OSBPL5: variants seen among roughly 807,000 people sequenced by gnomAD.
OSBPL5 encodes the protein oxysterol-binding protein-related protein 5.
Under a neutral mutation model 111.2 loss-of-function variants are expected in OSBPL5, and 71 were observed. The observed-to-expected ratio is 0.64, with a 90% CI of 0.53 to 0.78. OSBPL5 has a LOEUF of 0.78. OSBPL5 is among the 30% of genes least tolerant of loss of function. The pLI is 0.00. For synonymous variants in OSBPL5, 549 were observed against 513.9 expected (o/e 1.07, Z -0.93); for missense variants, 1,210 against 1,189.3 (o/e 1.02, Z -0.26).
intron 1 of OSBPL5, among the ~76,000 whole-genome samples, chr11:3,147,020 G>A (rs1846373508): frequency 6.6e-6 from 1 of 152,166 alleles, no homozygotes; most frequent in African/African-American, 2.4e-5. Flanking sequence ...GTTAGCTCTG[G>A]GTGGGCCGAG....
intron 1 of OSBPL5, among the ~76,000 whole-genome samples, chr11:3,163,011 G>T (rs139780669): frequency 1.3e-5 from 2 of 152,142 alleles, no homozygotes; most frequent in African/African-American, 4.8e-5. Flanking sequence ...TGCACCTAAC[G>T]GCTCCCTCCC....
At chr11:3,150,817 C>T (rs553890921) in intron 1 of OSBPL5, among the ~76,000 whole-genome samples, 4 of 152,288 alleles carry the variant, frequency 2.6e-5, no homozygotes, top group South Asian at 2.1e-4. Flanking sequence ...TGATCACGCA[C>T]GCCTGCATCT....
chr11:3,101,186 T>G (rs7105954), intron 13 of OSBPL5, among the ~76,000 whole-genome samples: 107,645 of 151,632 alleles, frequency 0.71, 38,449 homozygotes, highest in East Asian at 0.8. Flanking sequence ...TGTTGGACAG[T>G]CTGGTCTCAA....
Position 3,092,727 on chromosome 11 carries a change from C to G in OSBPL5, c.2132+140G>C, listed in dbSNP as rs1422003781. 5.9e-5 allele frequency: 79 copies of G among 1,332,610 alleles called. No individual in the cohort carries two copies. The highest frequency in any genetic ancestry group is 7.7e-5 in the Non-Finnish European group (77 of 996,322). 82.5% of individuals were successfully genotyped at this position (1,332,610 alleles called of 1,614,324 possible). On this transcript the variant is annotated intron_variant, in intron 18 of 21. Coordinates refer to ENST00000263650, the MANE Select transcript of OSBPL5 (RefSeq NM_020896.4). This position sits in a 1 kb window ranked among gnomAD's most constrained non-coding sequence, Gnocchi z 5.4. ...AGTAAGGACTGATGATGGGGGGTGTCACTATCTGACCCTCCCCCACCGACT... is the reference window on the plus strand; with the variant it reads ...AGTAAGGACTGATGATGGGGGGTGTGACTATCTGACCCTCCCCCACCGACT...
At chr11:3,090,329 A>G (rs10833210) in intron 20 of OSBPL5, among the ~76,000 whole-genome samples, 44,821 of 151,350 alleles carry the variant, frequency 0.3, 8,063 homozygotes, top group East Asian at 0.78. Flanking sequence ...GCCTGGGCCC[A>G]CTCCCTTTCT....
Position 3,121,861 on chromosome 11 carries a change from C to G in OSBPL5, c.402+136G>C. 2.7e-6 allele frequency: 2 copies of G among 733,576 alleles called. No homozygotes were observed. The highest frequency in any genetic ancestry group is 3.5e-5 in the African/African-American group (2 of 57,526). 45.4% of individuals were successfully genotyped at this position (733,576 alleles called of 1,614,324 possible). A position where few individuals can be genotyped will look rare whatever the true frequency, so the allele number is the denominator to read the frequency against. On this transcript the variant is annotated intron_variant, in intron 5 of 21. Coordinates refer to ENST00000263650, the MANE Select transcript of OSBPL5 (RefSeq NM_020896.4). This position sits in a 1 kb window ranked among gnomAD's most constrained non-coding sequence, Gnocchi z 4.3. ...AAGGAAAGGCCTCATGAGGAAGGAG[C>G]AGAGGCTGCAGTGATAACGGCTAGA...
chr11:3,160,715 C>A (rs1007955423), intron 1 of OSBPL5, among the ~76,000 whole-genome samples: 40 of 147,580 alleles, frequency 2.7e-4, no homozygotes, highest in African/African-American at 1.0e-3. Context: ...CGTATTCACC[C>A]CAATAGCACA....
intron 6 of OSBPL5, 118 bp downstream of exon 6, chr11:3,120,303 C>T: frequency 1.5e-6 from 2 of 1,294,132 alleles, no homozygotes; most frequent in Non-Finnish European, 2.1e-6. Context: ...GGTGAGACAC[C>T]TGCTCAAGGC....
chr11:3,096,487 C>A (rs139494550), intron 14 of OSBPL5, among the ~76,000 whole-genome samples: 4 of 151,806 alleles, frequency 2.6e-5, no homozygotes, highest in African/African-American at 9.7e-5. Context: ...GGTGTGGTGG[C>A]GCACGCATGT....
intron 1 of OSBPL5, among the ~76,000 whole-genome samples, chr11:3,160,267 C>G (rs899310531): frequency 6.6e-6 from 1 of 152,180 alleles, no homozygotes; most frequent in Admixed American, 6.5e-5. Flanking sequence ...CTAAAGTGCT[C>G]CCCTCCCGCC....
chr11:3,105,195 C>G lies in OSBPL5; in HGVS notation c.1060-818G>C, dbSNP rs1857651481. Among the ~76,000 whole-genome samples the G allele has an allele frequency of 6.6e-6, 1 of 152,210 alleles. No homozygotes were observed. The highest frequency in any genetic ancestry group is 2.1e-4 in the South Asian group (1 of 4,836). The stretch of plus-strand genomic sequence containing the variant: ...CACACGGCTGCTATGCGGCAGAGGT[C>G]AGATCTGAACTCAGGGCTCTCTGCA... On this transcript the variant is annotated intron_variant, in intron 9 of 21. Coordinates refer to ENST00000263650, the MANE Select transcript of OSBPL5 (RefSeq NM_020896.4). This position sits in a 1 kb window ranked among gnomAD's most constrained non-coding sequence, Gnocchi z 5.2.
intron 15 of OSBPL5, 59 bp from the exon 16 acceptor site, chr11:3,093,894 C>T: frequency 6.5e-7 from 1 of 1,547,704 alleles, no homozygotes; most frequent in South Asian, 1.2e-5. Flanking sequence ...TCCAGAATCA[C>T]ATCCTCATGG....
At chr11:3,108,496 T>G (rs1857791498) in intron 7 of OSBPL5, among the ~76,000 whole-genome samples, 1 of 152,092 alleles carries the variant, frequency 6.6e-6, no homozygotes, top group East Asian at 1.9e-4. Flanking sequence ...AGGAGGGGCT[T>G]GCACACCAGG....
chr11:3,121,779 G>C lies in OSBPL5; in HGVS notation c.402+218C>G. 1.7e-6 allele frequency: 1 copy of C among 582,936 alleles called. No individual in the cohort carries two copies. Among genetic ancestry groups the C allele is most frequent in the Non-Finnish European group, 3.1e-6 (1 of 326,616 alleles). 36.1% of individuals were successfully genotyped at this position (582,936 alleles called of 1,614,324 possible). A position where few individuals can be genotyped will look rare whatever the true frequency, so the allele number is the denominator to read the frequency against. Reference sequence around the variant, plus strand: ...TGAAGATGGGGCTACACTGGAGTAAGGTGGCCCTAATTCCTACCACTGGTG... The same window carrying C: ...TGAAGATGGGGCTACACTGGAGTAACGTGGCCCTAATTCCTACCACTGGTG... On this transcript the variant is annotated intron_variant, in intron 5 of 21. Transcript: ENST00000263650. This position sits in a 1 kb window ranked among gnomAD's most constrained non-coding sequence, Gnocchi z 4.3.
intron 1 of OSBPL5, among the ~76,000 whole-genome samples, chr11:3,143,560 C>T (rs776785217): frequency 6.6e-6 from 1 of 152,230 alleles, no homozygotes; most frequent in South Asian, 2.1e-4. Flanking sequence ...TGCGACGACA[C>T]GGATGAGCCG....
chr11:3,100,743 A>G (rs1857425160), intron 13 of OSBPL5, among the ~76,000 whole-genome samples: 1 of 152,164 alleles, frequency 6.6e-6, no homozygotes, highest in Non-Finnish European at 1.5e-5. Context: ...CACAGAGGCA[A>G]CAGGCGCACA....
In OSBPL5 at chr11:3,107,179, G is replaced by C. The variant is rs564554493; in HGVS notation, c.1059+84C>G. ...CCCTGGGCCCTGCGTGCTCCCCCTA[G>C]GATGAGGCATGGCTACCTCTGCTTC... On this transcript the variant is annotated intron_variant, in intron 9 of 21. Coordinates refer to ENST00000263650, the MANE Select transcript of OSBPL5 (RefSeq NM_020896.4). The surrounding 1 kb of genome is among the most constrained non-coding windows in gnomAD (Gnocchi z 6.1). The C allele has an allele frequency of 6.7e-7, 1 of 1,493,022 alleles. No individual in the cohort carries two copies. The highest frequency in any genetic ancestry group is 2.3e-5 in the East Asian group (1 of 44,070). The allele number at this position is 1,493,022 out of a possible 1,614,324, so 92.5% of individuals were successfully genotyped here.
intron 7 of OSBPL5, among the ~76,000 whole-genome samples, chr11:3,111,379 G>A (rs1223792585): frequency 6.6e-6 from 1 of 151,910 alleles, no homozygotes; most frequent in African/African-American, 2.4e-5. Flanking sequence ...CCAGGATGGT[G>A]GAGATCTGAG....
At chr11:3,157,995 G>A (rs1326701168) in intron 1 of OSBPL5, among the ~76,000 whole-genome samples, 2 of 152,342 alleles carry the variant, frequency 1.3e-5, no homozygotes, top group Non-Finnish European at 2.9e-5. Flanking sequence ...GTGAGCCTTC[G>A]TGGGAGCCTG....
Sources: allele counts gnomAD v4.1 joint callset (sites outside exome capture counted in the v4.1 genomes callset), GRCh38; gene constraint gnomAD v4.1.1; non-coding constraint Gnocchi (gnomAD v3.1); transcripts MANE v1.5; gene names NCBI Gene and HGNC (gene_info 2026-07-23, HGNC 2026-07-21).